The following L3MBTL4 variants were observed in gnomAD, a reference collection of about 807,000 sequenced individuals.
The protein encoded by L3MBTL4 is lethal(3)malignant brain tumor-like protein 4.
In L3MBTL4, 70 loss-of-function variants were observed where a neutral mutation model predicts 84.5. That is an observed-to-expected ratio of 0.83 (90% confidence interval 0.68 to 1.01). The LOEUF is 1.01. Among genes scored for constraint, L3MBTL4 ranks in the 50% least tolerant of loss-of-function variants. L3MBTL4 has a pLI of 0.00. For synonymous variants in L3MBTL4, 274 were observed against 259.8 expected (o/e 1.05, Z -0.52); for missense variants, 715 against 754.8 (o/e 0.95, Z 0.62).
intron 4 of L3MBTL4, among the ~76,000 whole-genome samples, chr18:6,275,293 G>A (rs2146518447): frequency 6.6e-6 from 1 of 152,252 alleles, no homozygotes; most frequent in Non-Finnish European, 1.5e-5. Context: ...GAATGCAGGT[G>A]GAAATGCTTT....
At chr18:5,977,939 T>C (rs956825933) in intron 16 of L3MBTL4, among the ~76,000 whole-genome samples, 1 of 152,182 alleles carries the variant, frequency 6.6e-6, no homozygotes, top group Non-Finnish European at 1.5e-5. Context: ...TCCATTTATT[T>C]TTTCAGCCCT....
intron 1 of L3MBTL4, among the ~76,000 whole-genome samples, chr18:6,330,184 G>A (rs943462145): frequency 3.3e-5 from 5 of 152,178 alleles, no homozygotes; most frequent in Admixed American, 3.3e-4. Context: ...CCATGCCTAG[G>A]AGTGGAACTC....
At chr18:6,248,789 C>T (rs2047797925) in intron 5 of L3MBTL4, among the ~76,000 whole-genome samples, 1 of 152,196 alleles carries the variant, frequency 6.6e-6, no homozygotes, top group Non-Finnish European at 1.5e-5. Context: ...TTTTTCACAG[C>T]TGCATTGTAC....
intron 4 of L3MBTL4, among the ~76,000 whole-genome samples, chr18:6,299,832 G>A (rs1422727770): frequency 1.3e-5 from 2 of 152,022 alleles, no homozygotes; most frequent in East Asian, 3.9e-4. Flanking sequence ...ACCAGACCCG[G>A]CTATTTTTTT....
At chr18:6,290,403 C>G (rs912312100) in intron 4 of L3MBTL4, among the ~76,000 whole-genome samples, 1 of 151,904 alleles carries the variant, frequency 6.6e-6, no homozygotes, top group Non-Finnish European at 1.5e-5. Flanking sequence ...AAAAACTAAG[C>G]TTTAAAAGAA....
intron 17 of L3MBTL4, among the ~76,000 whole-genome samples, chr18:5,964,822 C>G (rs2052261444): frequency 6.6e-6 from 1 of 152,202 alleles, no homozygotes; most frequent in Admixed American, 6.5e-5. Flanking sequence ...CACATATATA[C>G]CTGGCAGAAT....
intron 1 of L3MBTL4, among the ~76,000 whole-genome samples, chr18:6,408,673 T>C (rs2055836307): frequency 6.6e-6 from 1 of 151,874 alleles, no homozygotes; most frequent in African/African-American, 2.4e-5. Flanking sequence ...AGTTTTCTTT[T>C]TTTCTTCTTC....
chr18:5,996,464 T>C (rs1423569442), intron 16 of L3MBTL4, among the ~76,000 whole-genome samples: 1 of 152,052 alleles, frequency 6.6e-6, no homozygotes, highest in Non-Finnish European at 1.5e-5. Flanking sequence ...AGAGAAGGGT[T>C]AAAAGGGGGT....
At chr18:6,365,830 T>G (rs543290783) in intron 1 of L3MBTL4, among the ~76,000 whole-genome samples, 1 of 152,330 alleles carries the variant, frequency 6.6e-6, no homozygotes, top group South Asian at 2.1e-4. Flanking sequence ...TTGCCCTAAG[T>G]CACTCTTGTT....
At chr18:6,182,764 C>T (rs1448523536) in intron 12 of L3MBTL4, among the ~76,000 whole-genome samples, 2 of 150,212 alleles carry the variant, frequency 1.3e-5, no homozygotes, top group Non-Finnish European at 2.9e-5. Flanking sequence ...ATATGGCTAG[C>T]CAGTTATCTC....
intron 10 of L3MBTL4, among the ~76,000 whole-genome samples, chr18:6,229,662 G>C (rs1025932002): frequency 1.3e-5 from 2 of 152,072 alleles, no homozygotes; most frequent in Non-Finnish European, 2.9e-5. Flanking sequence ...GTCAGTTTTT[G>C]TATAAGAGTC....
At chr18:6,408,686 CTT>C (rs763274818) in intron 1 of L3MBTL4, among the ~76,000 whole-genome samples, 12 of 144,552 alleles carry the variant, frequency 8.3e-5, no homozygotes, top group Non-Finnish European at 4.6e-5. Flanking sequence ...TCTTCTTCTT[CTT>C]TTTTTTTTTT....
At chr18:6,061,797 T>C (rs2057231278) in intron 16 of L3MBTL4, among the ~76,000 whole-genome samples, 1 of 151,928 alleles carries the variant, frequency 6.6e-6, no homozygotes, top group African/African-American at 2.4e-5. Context: ...TTAAAAAACG[T>C]TTTTAGTGAT....
intron 1 of L3MBTL4, among the ~76,000 whole-genome samples, chr18:6,358,212 C>T (rs1465385536): frequency 1.3e-5 from 2 of 152,176 alleles, no homozygotes; most frequent in East Asian, 3.9e-4. Context: ...GTCTAACTTA[C>T]ACTTTACTAA....
At chr18:6,002,537 T>C (rs1211683165) in intron 16 of L3MBTL4, among the ~76,000 whole-genome samples, 2 of 152,218 alleles carry the variant, frequency 1.3e-5, no homozygotes, top group East Asian at 3.9e-4. Flanking sequence ...GTGATACAAG[T>C]AACTGAAAAG....
At chr18:6,114,467 T>C (rs1568143769) in intron 14 of L3MBTL4, among the ~76,000 whole-genome samples, 1 of 152,222 alleles carries the variant, frequency 6.6e-6, no homozygotes, top group East Asian at 1.9e-4. Flanking sequence ...TGTATTCATA[T>C]ATTTTGTATA....
chr18:6,023,599 TG>T (rs1426940180), intron 16 of L3MBTL4, among the ~76,000 whole-genome samples: 1 of 152,208 alleles, frequency 6.6e-6, no homozygotes, highest in Non-Finnish European at 1.5e-5. Flanking sequence ...CTGGACATTG[TG>T]GGAAATATGT....
chr18:6,208,160 T>TA (rs2045952839), intron 12 of L3MBTL4, among the ~76,000 whole-genome samples: 6 of 151,056 alleles, frequency 4.0e-5, no homozygotes, highest in Non-Finnish European at 7.4e-5. Flanking sequence ...AATAAATAAA[T>TA]AATGCATTCC....
At chr18:6,259,450 G>C (rs1027016745) in intron 5 of L3MBTL4, 1 of 152,056 alleles carries the variant, frequency 6.6e-6, no homozygotes, top group Non-Finnish European at 1.5e-5. Context: ...GTTTTAATTT[G>C]CATTTCTCTG....
Sources: allele counts gnomAD v4.1 joint callset (sites outside exome capture counted in the v4.1 genomes callset), GRCh38; gene constraint gnomAD v4.1.1; transcripts MANE v1.5; gene names NCBI Gene and HGNC (gene_info 2026-07-23, HGNC 2026-07-21).